ZBTB44: variants seen among roughly 807,000 people sequenced by gnomAD.
ZBTB44 encodes the protein zinc finger and BTB domain-containing protein 44.
ZBTB44 carries 15 observed loss-of-function variants against 54.0 expected under a neutral mutation model. That is an observed-to-expected ratio of 0.28 (90% CI 0.19 to 0.43). The LOEUF is 0.43. Ranked by LOEUF, ZBTB44 falls within the 20% of genes least tolerant of loss-of-function variation. The pLI is 1.00. For missense variants in ZBTB44, 487 were observed against 707.1 expected, an observed-to-expected ratio of 0.69 and a Z score of 3.53; for synonymous variants, 230 against 250.1, an observed-to-expected ratio of 0.92 and a Z score of 0.76.
intron 2 of ZBTB44, among the ~76,000 whole-genome samples, chr11:130,244,406 G>C (rs531557892): frequency 4.0e-4 from 61 of 152,204 alleles, no homozygotes; most frequent in African/African-American, 1.4e-3. Flanking sequence ...AGTGGCTCAT[G>C]CCTGTAATCC....
At chr11:130,262,115 G>C (rs1938901402) in intron 1 of ZBTB44, among the ~76,000 whole-genome samples, 186 bp from the exon 2 acceptor site, 1 of 152,048 alleles carries the variant, frequency 6.6e-6, no homozygotes, top group Admixed American at 6.6e-5. Context: ...TCCAATCAGT[G>C]AAGTCTGTGA....
intron 3 of ZBTB44, chr11:130,239,122 A>C (rs184099448): frequency 6.5e-6 from 1 of 152,936 alleles, no homozygotes; most frequent in East Asian, 1.9e-4. Flanking sequence ...CAGAGTTGAC[A>C]GGACTTAAGG....
chr11:130,239,803 A>C lies in ZBTB44; in HGVS notation c.1103+9T>G. 2 of 1,609,474 alleles carry C rather than the reference A, an allele frequency of 1.2e-6. No homozygotes were observed. Among genetic ancestry groups the C allele is most frequent in the Non-Finnish European group, 1.7e-6 (2 of 1,176,798 alleles). ...TTAAGAGGTAACGAAATGCTATGTTAGTACTGACCGATCATCATCATCCGG... is the reference window on the plus strand; with the variant it reads ...TTAAGAGGTAACGAAATGCTATGTTCGTACTGACCGATCATCATCATCCGG... On this transcript the variant is annotated intron_variant, in intron 3 of 7. Transcript: ENST00000357899.
chr11:130,314,385 C>G lies in ZBTB44; in HGVS notation c.-67G>C, dbSNP rs1298167475. 1 of 153,022 alleles carries G rather than the reference C, an allele frequency of 6.5e-6. No individual in the cohort carries two copies. Among genetic ancestry groups the G allele is most frequent in the East Asian group, 1.9e-4 (1 of 5,174 alleles). 9.5% of individuals were successfully genotyped at this position (153,022 alleles called of 1,614,324 possible). A position where few individuals can be genotyped will look rare whatever the true frequency, so the allele number is the denominator to read the frequency against. On this transcript the variant is annotated 5_prime_UTR_variant, in exon 1 of 8. Coordinates refer to ENST00000357899, the MANE Select transcript of ZBTB44 (RefSeq NM_001301098.2). ...TCCCCTCCCCGTTACCTGCGGGCGG[C>G]GGCGCCGGGCCCGGAGGCCTGCTGC... is the stretch of plus-strand genomic sequence containing the variant.
chr11:130,270,279 T>A (rs1939572602), intron 1 of ZBTB44, among the ~76,000 whole-genome samples: 1 of 152,214 alleles, frequency 6.6e-6, no homozygotes, highest in Non-Finnish European at 1.5e-5. Flanking sequence ...GCAGCTTATA[T>A]TCTAATTAAA....
intron 1 of ZBTB44, among the ~76,000 whole-genome samples, chr11:130,290,103 C>G (rs1046159194): frequency 6.6e-6 from 1 of 152,174 alleles, no homozygotes; most frequent in Non-Finnish European, 1.5e-5. Context: ...GCCCTAAATA[C>G]AGTCACAAGT....
intron 1 of ZBTB44, among the ~76,000 whole-genome samples, chr11:130,272,217 G>A (rs899174647): frequency 4.6e-5 from 7 of 151,152 alleles, no homozygotes; most frequent in African/African-American, 7.4e-5. Flanking sequence ...GGGTGTCAAC[G>A]AGACTCCGTC....
intron 1 of ZBTB44, among the ~76,000 whole-genome samples, chr11:130,305,588 T>A (rs2134489612): frequency 6.6e-6 from 1 of 152,276 alleles, no homozygotes; most frequent in East Asian, 1.9e-4. Context: ...TTATCTTTCA[T>A]CTTACACAAA....
At chr11:130,307,259 C>A (rs1304762377) in intron 1 of ZBTB44, among the ~76,000 whole-genome samples, 2 of 151,906 alleles carry the variant, frequency 1.3e-5, no homozygotes, top group African/African-American at 2.4e-5. Flanking sequence ...CCCGTCTCTA[C>A]TAAAAATACA....
chr11:130,274,113 A>G (rs770562154), intron 1 of ZBTB44, among the ~76,000 whole-genome samples: 20 of 152,102 alleles, frequency 1.3e-4, no homozygotes, highest in Non-Finnish European at 2.4e-4. Flanking sequence ...TTTGGGACCG[A>G]AAGTATTTTG....
At chr11:130,244,006 C>T (rs1250097099) in intron 2 of ZBTB44, among the ~76,000 whole-genome samples, 1 of 152,096 alleles carries the variant, frequency 6.6e-6, no homozygotes, top group Non-Finnish European at 1.5e-5. Flanking sequence ...AGTTTCATTT[C>T]TCCTGCTCTT....
intron 1 of ZBTB44, among the ~76,000 whole-genome samples, chr11:130,312,606 C>A (rs78980080): frequency 7.2e-5 from 11 of 151,932 alleles, no homozygotes; most frequent in African/African-American, 2.4e-4. Context: ...TGGTCAATTA[C>A]GTGTCAGAAA....
intron 1 of ZBTB44, among the ~76,000 whole-genome samples, chr11:130,294,771 G>A (rs1255889633): frequency 6.6e-6 from 1 of 152,086 alleles, no homozygotes; most frequent in Non-Finnish European, 1.5e-5. Context: ...GAGTACTTAA[G>A]GGATATCTGC....
intron 2 of ZBTB44, among the ~76,000 whole-genome samples, chr11:130,249,751 T>A (rs1419190241): frequency 6.6e-6 from 1 of 152,100 alleles, no homozygotes; most frequent in African/African-American, 2.4e-5. Context: ...TTTCCCACAG[T>A]TTTTGCAATC....
intron 1 of ZBTB44, among the ~76,000 whole-genome samples, chr11:130,313,478 CAAGTG>C (rs1440461088): frequency 6.6e-6 from 1 of 152,054 alleles, no homozygotes; most frequent in South Asian, 2.1e-4. Context: ...ACTGACAGTC[CAAGTG>C]AAGTAATGGG....
chr11:130,275,869 G>A (rs1940025213), intron 1 of ZBTB44, among the ~76,000 whole-genome samples: 1 of 151,588 alleles, frequency 6.6e-6, no homozygotes, highest in East Asian at 2.0e-4. Context: ...CTCGTGATCG[G>A]CCCACCTTGG....
At chr11:130,235,666 TAA>T (rs756869897) in intron 5 of ZBTB44, among the ~76,000 whole-genome samples, 2 of 142,124 alleles carry the variant, frequency 1.4e-5, no homozygotes, top group Admixed American at 7.0e-5. Flanking sequence ...TCTATTCAAT[TAA>T]AAAAAAAAAA....
In ZBTB44 at chr11:130,303,348, T is replaced by G. The variant is rs529406699; in HGVS notation, c.-57+11027A>C. Among the ~76,000 whole-genome samples, 10 of 152,224 alleles carry G rather than the reference T, an allele frequency of 6.6e-5. No homozygotes were observed. The East Asian group carries it at 1.9e-3, about 29-fold the overall frequency. On this transcript the variant is annotated intron_variant, in intron 1 of 7. Coordinates refer to ENST00000357899, the MANE Select transcript of ZBTB44 (RefSeq NM_001301098.2). ...AATCACTTCAGCATTAAAAAATACA[T>G]ACCAAGGCCGGGCACAGTGGCTCAC...
At chr11:130,284,931 A>C (rs1024773660) in intron 1 of ZBTB44, 1 of 152,202 alleles carries the variant, frequency 6.6e-6, no homozygotes, top group Non-Finnish European at 1.5e-5. Flanking sequence ...CTGGGGGCCA[A>C]TCTCTCTAAA....
Sources: allele counts gnomAD v4.1 joint callset (sites outside exome capture counted in the v4.1 genomes callset), GRCh38; gene constraint gnomAD v4.1.1; transcripts MANE v1.5; gene names NCBI Gene and HGNC (gene_info 2026-07-23, HGNC 2026-07-21).